ATXN1: variants seen among roughly 807,000 people sequenced by gnomAD.
ATXN1 encodes the protein ataxin-1.
In ATXN1, 8 loss-of-function variants were observed where a neutral mutation model predicts 56.4. The observed-to-expected ratio is 0.14, with a 90% CI of 0.08 to 0.26. The LOEUF (loss-of-function observed/expected upper bound fraction) is 0.26, where lower values mean the gene tolerates loss of function less well. ATXN1 is among the 10% of genes least tolerant of loss of function. ATXN1 has a pLI of 1.00. For synonymous variants in ATXN1, 514 were observed against 494.6 expected, an observed-to-expected ratio of 1.04 and a Z score of -0.52; for missense variants, 987 against 1,106.5, an observed-to-expected ratio of 0.89 and a Z score of 1.53.
At chr6:16,689,897 C>T (rs144500672) in intron 2 of ATXN1, among the ~76,000 whole-genome samples, 2 of 151,940 alleles carry the variant, frequency 1.3e-5, no homozygotes, top group African/African-American at 2.4e-5. Context: ...ACGTCTGTAC[C>T]GTTTGATCAA....
chr6:16,536,122 T>C (rs556705268), intron 4 of ATXN1, among the ~76,000 whole-genome samples: 1 of 152,136 alleles, frequency 6.6e-6, no homozygotes, highest in Admixed American at 6.5e-5. Flanking sequence ...GGGGCTAAGA[T>C]GGGAGGATTG....
intron 3 of ATXN1, among the ~76,000 whole-genome samples, chr6:16,598,423 T>C (rs2113777798): frequency 6.6e-6 from 1 of 152,380 alleles, no homozygotes; most frequent in African/African-American, 2.4e-5. Context: ...CATATGCATA[T>C]TTTAAAATCA....
chr6:16,400,171 A>G (rs1288029907), intron 6 of ATXN1, among the ~76,000 whole-genome samples: 1 of 152,156 alleles, frequency 6.6e-6, no homozygotes, highest in Non-Finnish European at 1.5e-5. Context: ...CTGTCCTTCT[A>G]TTCACTCAGT....
intron 2 of ATXN1, among the ~76,000 whole-genome samples, chr6:16,666,357 G>A (rs760472080): frequency 1.3e-5 from 2 of 152,120 alleles, no homozygotes; most frequent in Admixed American, 6.6e-5. Flanking sequence ...CTGTGTATAT[G>A]TACCTTATTT....
intron 2 of ATXN1, among the ~76,000 whole-genome samples, chr6:16,730,507 A>ATATATATATATATATATATATATATATAT (rs1759950843): frequency 6.8e-6 from 1 of 146,166 alleles, no homozygotes; most frequent in Non-Finnish European, 1.5e-5. Context: ...ATATATATAT[A>ATATATATATATATATATATATATATATAT]AATGTATTTA....
chr6:16,669,005 G>T (rs114027647), intron 2 of ATXN1, among the ~76,000 whole-genome samples: 2 of 151,974 alleles, frequency 1.3e-5, no homozygotes, highest in South Asian at 2.1e-4. Context: ...GAGAAATTGT[G>T]CTGTACACTT....
chr6:16,517,004 A>C (rs927189430), intron 5 of ATXN1, among the ~76,000 whole-genome samples: 2 of 152,248 alleles, frequency 1.3e-5, no homozygotes, highest in Non-Finnish European at 2.9e-5. Flanking sequence ...TTTTCCCACT[A>C]GGAAATAATT....
intron 7 of ATXN1, among the ~76,000 whole-genome samples, chr6:16,308,422 T>TG (rs1340157232): frequency 6.6e-6 from 1 of 151,102 alleles, no homozygotes; most frequent in Non-Finnish European, 1.5e-5. Context: ...AAGCTGGTGT[T>TG]GGGGGCCTGT....
At chr6:16,325,718 T>G (rs747701130) in intron 7 of ATXN1, among the ~76,000 whole-genome samples, 1 of 152,162 alleles carries the variant, frequency 6.6e-6, no homozygotes, top group Non-Finnish European at 1.5e-5. Context: ...GAGAGTTGTC[T>G]GCTGATCTAT....
chr6:16,318,580 G>A (rs179996), intron 7 of ATXN1, among the ~76,000 whole-genome samples: 1 of 152,038 alleles, frequency 6.6e-6, no homozygotes, highest in Non-Finnish European at 1.5e-5. Context: ...CAGTCAAAAC[G>A]CTTTGGCTGA....
chr6:16,595,108 T>A (rs756929456), intron 3 of ATXN1, among the ~76,000 whole-genome samples: 13 of 152,206 alleles, frequency 8.5e-5, no homozygotes, highest in Admixed American at 1.3e-4. Context: ...CATGTACAAA[T>A]ATAAGTACCT....
At chr6:16,426,278 AG>A (rs5874555) in intron 6 of ATXN1, among the ~76,000 whole-genome samples, 84,251 of 151,538 alleles carry the variant, frequency 0.56, 23,470 homozygotes, top group Admixed American at 0.63. Context: ...GCTGGTGGGG[AG>A]GGTGGGGCAC....
intron 2 of ATXN1, among the ~76,000 whole-genome samples, chr6:16,669,752 A>T (rs1758502946): frequency 6.7e-6 from 1 of 148,540 alleles, no homozygotes; most frequent in Non-Finnish European, 1.5e-5. Context: ...TACATGTATC[A>T]CGGTGGTTTG....
At chr6:16,309,244 AAATAAT>A (rs1171252725) in intron 7 of ATXN1, among the ~76,000 whole-genome samples, 4 of 148,036 alleles carry the variant, frequency 2.7e-5, no homozygotes, top group Non-Finnish European at 4.5e-5. Flanking sequence ...AAAAAAAAAT[AAATAAT>A]AATAATAATA....
chr6:16,317,071 A>C (rs1760530299), intron 7 of ATXN1, among the ~76,000 whole-genome samples: 2 of 149,768 alleles, frequency 1.3e-5, no homozygotes, highest in South Asian at 4.2e-4. Flanking sequence ...TTTTCTCTCC[A>C]CTCTCGTTCT....
In ATXN1 at chr6:16,399,702, C is replaced by T. The variant is rs573906372; in HGVS notation, c.-160-71232G>A. On this transcript the variant is annotated intron_variant, in intron 6 of 7. Coordinates refer to ENST00000436367, the MANE Select transcript of ATXN1 (RefSeq NM_001128164.2). ...GGACATTTTTGATTGTCACAACTGC[C>T]GGGTGCTACCAGCATCCAGCGCATA... is the stretch of plus-strand genomic sequence containing the variant. 5.3e-5 allele frequency among the ~76,000 whole-genome samples: 8 copies of T among 152,232 alleles called. No individual in the cohort carries two copies. The East Asian group carries it at 9.7e-4, about 18-fold the overall frequency.
intron 2 of ATXN1, chr6:16,666,581 C>T (rs9477204): frequency 0.081 from 12,367 of 152,382 alleles, 1,690 homozygotes; most frequent in African/African-American, 0.28. Flanking sequence ...TCTCAGCTCA[C>T]TGCAACCTCT....
chr6:16,348,664 T>C (rs1000479036), intron 6 of ATXN1, among the ~76,000 whole-genome samples: 2 of 151,850 alleles, frequency 1.3e-5, no homozygotes, highest in African/African-American at 4.8e-5. Flanking sequence ...CATTGCACTC[T>C]AGCCTGGGCG....
At chr6:16,387,295 T>C (rs1758261772) in intron 6 of ATXN1, among the ~76,000 whole-genome samples, 2 of 152,158 alleles carry the variant, frequency 1.3e-5, no homozygotes, top group African/African-American at 2.4e-5. Flanking sequence ...CCCTATAGGG[T>C]CATCAGAAAG....
Sources: gnomAD v4.1 joint callset for allele counts (sites outside exome capture counted in the v4.1 genomes callset) on GRCh38, gnomAD v4.1.1 for gene constraint, MANE v1.5 for transcripts, NCBI Gene and HGNC (gene_info 2026-07-23, HGNC 2026-07-21) for gene names.